Variants in ST6GALNAC4 observed in about 807,000 individuals in gnomAD.
ST6GALNAC4 encodes the protein alpha-N-acetyl-neuraminyl-2,3-beta-galactosyl-1,3-N-acetyl-galactosaminide alpha-2,6-sialyltransferase.
Under a neutral mutation model 30.4 loss-of-function variants are expected in ST6GALNAC4, and 24 were observed. That is an observed-to-expected ratio of 0.79 (90% CI 0.57 to 1.11). The LOEUF is 1.11. ST6GALNAC4 is among the 50% of genes most tolerant of loss of function. The pLI, the probability that ST6GALNAC4 is intolerant of heterozygous loss-of-function variation, is 0.00. For synonymous variants in ST6GALNAC4, 156 were observed against 179.7 expected, an observed-to-expected ratio of 0.87 and a Z score of 1.05; for missense variants, 365 against 430.1, an observed-to-expected ratio of 0.85 and a Z score of 1.34.
rs372883012 is a variant in ST6GALNAC4 at position 127,912,561 on chromosome 9, C to T, written c.318G>A (p.Ala106=). ...SAECVFRMNQ[A]PTVGFEADVG... is the part of the protein sequence containing the mutation. Reference sequence around the variant, plus strand: ...CATCCGCCTCAAAGCCCACGGTGGGCGCCTGGTTCATGCGGAACACGCACT... The same window carrying T: ...CATCCGCCTCAAAGCCCACGGTGGGTGCCTGGTTCATGCGGAACACGCACT... Residue 106 remains alanine, a synonymous_variant, in exon 4 of 6, where the codon GCG becomes GCA. Transcript: ENST00000335791. 6.2e-6 allele frequency: 10 copies of T among 1,612,890 alleles called. No homozygotes were observed. The highest frequency in any genetic ancestry group is 4.0e-5 in the African/African-American group (3 of 74,934).
At chr9:127,913,275 T>C (rs1564503466) in intron 3 of ST6GALNAC4, among the ~76,000 whole-genome samples, 1 of 152,214 alleles carries the variant, frequency 6.6e-6, no homozygotes, top group African/African-American at 2.4e-5. Context: ...GTCTCTCATC[T>C]ATAAAATGGG....
intron 4 of ST6GALNAC4, among the ~76,000 whole-genome samples, chr9:127,910,714 C>T (rs145667903): frequency 1.6e-4 from 24 of 152,282 alleles, no homozygotes; most frequent in Non-Finnish European, 3.4e-4. Context: ...CTCTACAGAG[C>T]GGGTATGAAC....
At chr9:127,910,285 G>T in intron 4 of ST6GALNAC4, 4 of 1,325,362 alleles carry the variant, frequency 3.0e-6, no homozygotes, top group Non-Finnish European at 2.9e-6. Context: ...AGCACCCAGC[G>T]GGGCTCGGGC....
chr9:127,908,833 A>T (rs10760512), intron 5 of ST6GALNAC4, among the ~76,000 whole-genome samples: 118,460 of 152,124 alleles, frequency 0.78, 48,814 homozygotes, highest in Non-Finnish European at 0.91. Flanking sequence ...GCCCGTGTGT[A>T]AAACGCAGAT....
At position 127,910,072 on chromosome 9, in the gene ST6GALNAC4, G is replaced by T; in HGVS notation, c.612-14C>A. 1.2e-6 allele frequency: 2 copies of T among 1,611,818 alleles called. No homozygotes were observed. The highest frequency in any genetic ancestry group is 1.1e-5 in the South Asian group (1 of 90,894). Reference sequence around the variant, plus strand: ...CCCGACTGCCTCCTGGGGGTGGCGGGGGGACAGGGGGACGCTGTCAACAAG... The same window carrying T: ...CCCGACTGCCTCCTGGGGGTGGCGGTGGGACAGGGGGACGCTGTCAACAAG... On this transcript the variant is annotated splice_polypyrimidine_tract_variant and intron_variant, in intron 4 of 5. Coordinates refer to ENST00000335791, the MANE Select transcript of ST6GALNAC4 (RefSeq NM_175039.4).
At chr9:127,914,519 A>AAAAAAAAAAGG in intron 3 of ST6GALNAC4, 137 bp downstream of exon 3, 1 of 490,182 alleles carries the variant, frequency 2.0e-6, no homozygotes, top group Non-Finnish European at 3.3e-6. Flanking sequence ...AAAAAAAAAA[A>AAAAAAAAAAGG]GAACCTAGGG....
intron 4 of ST6GALNAC4, among the ~76,000 whole-genome samples, chr9:127,910,747 C>A (rs1458083057): frequency 6.6e-6 from 1 of 152,140 alleles, no homozygotes; most frequent in South Asian, 2.1e-4. Flanking sequence ...TCAAACTGAG[C>A]CCCACCCAGG....
At chr9:127,916,764 T>G (rs1395144412) in intron 1 of ST6GALNAC4, 62 bp downstream of exon 1, 1 of 463,870 alleles carries the variant, frequency 2.2e-6, no homozygotes, top group Non-Finnish European at 3.9e-6. Context: ...CAGCTCAAGG[T>G]CACCCATCAG....
At chr9:127,910,450 C>T in intron 4 of ST6GALNAC4, 2 of 1,034,246 alleles carry the variant, frequency 1.9e-6, no homozygotes, top group Non-Finnish European at 2.3e-6. Context: ...CTCTAGAGTC[C>T]AAGGATCTTC....
intron 4 of ST6GALNAC4, among the ~76,000 whole-genome samples, chr9:127,911,333 T>C (rs1326028678): frequency 6.6e-6 from 1 of 152,124 alleles, no homozygotes; most frequent in Non-Finnish European, 1.5e-5. Flanking sequence ...GACTGTTCTA[T>C]CTCCTGAGCA....
intron 4 of ST6GALNAC4, chr9:127,910,433 G>A (rs2131618845): frequency 9.5e-7 from 1 of 1,054,262 alleles, no homozygotes; most frequent in Non-Finnish European, 1.1e-6. Context: ...GAAGTCAGGT[G>A]GGGGTTCTCT....
At chr9:127,913,475 C>G (rs377307486) in intron 3 of ST6GALNAC4, among the ~76,000 whole-genome samples, 58 of 152,294 alleles carry the variant, frequency 3.8e-4, no homozygotes, top group African/African-American at 1.3e-3. Flanking sequence ...ATCCCAGCTA[C>G]TCAGGAGACT....
At chr9:127,910,454 G>T in intron 4 of ST6GALNAC4, 11 of 1,030,442 alleles carry the variant, frequency 1.1e-5, no homozygotes, top group Non-Finnish European at 1.2e-5. Flanking sequence ...AGAGTCCAAG[G>T]ATCTTCCACT....
chr9:127,908,674 A>G, intron 5 of ST6GALNAC4, 93 bp from the exon 6 acceptor site: 12 of 1,260,656 alleles, frequency 9.5e-6, no homozygotes, highest in Non-Finnish European at 1.3e-5. Flanking sequence ...CGCCAGGCCC[A>G]TGGGCTCGTG....
intron 2 of ST6GALNAC4, 71 bp from the exon 3 acceptor site, chr9:127,914,912 C>T (rs1175900244): frequency 7.4e-7 from 1 of 1,352,880 alleles, no homozygotes; most frequent in Non-Finnish European, 9.7e-7. Context: ...AGCGCTGCAC[C>T]TGGCCTCCTG....
At chr9:127,915,485 C>G (rs1831176604) in intron 2 of ST6GALNAC4, among the ~76,000 whole-genome samples, 1 of 152,216 alleles carries the variant, frequency 6.6e-6, no homozygotes, top group South Asian at 2.1e-4. Context: ...GAGATTGGAG[C>G]AAAGGTCACT....
Position 127,908,443 on chromosome 9 carries a change from C to A in ST6GALNAC4, c.858G>T (p.Trp286Cys). The A allele has an allele frequency of 6.2e-7, 1 of 1,601,312 alleles. No homozygotes were observed. ...CGAACACGATGGGCCTCTTCTTGGC[C>A]CAGCGGGAGAAGACCGCCTTCTCAG... ...FITEKAVFSR[W>C]AKKRPIVFAH... Residue 286 changes from tryptophan (W) to cysteine (C), a missense_variant, in exon 6 of 6, where the codon TGG (tryptophan) becomes TGT (cysteine). Transcript: ENST00000335791.
At chr9:127,911,645 C>G (rs984752197) in intron 4 of ST6GALNAC4, among the ~76,000 whole-genome samples, 1 of 152,226 alleles carries the variant, frequency 6.6e-6, no homozygotes, top group Non-Finnish European at 1.5e-5. Flanking sequence ...CGCCACCACA[C>G]CCGGCTAATT....
At chr9:127,916,258 C>T (rs1831192350) in intron 2 of ST6GALNAC4, 150 bp downstream of exon 2, 1 of 995,570 alleles carries the variant, frequency 1.0e-6, no homozygotes, top group African/African-American at 1.6e-5. Context: ...TCTGCAAGAA[C>T]AGGGTTGGAC....
Sources: gnomAD v4.1 joint callset for allele counts (sites outside exome capture counted in the v4.1 genomes callset) on GRCh38, gnomAD v4.1.1 for gene constraint, MANE v1.5 for transcripts, NCBI Gene and HGNC (gene_info 2026-07-23, HGNC 2026-07-21) for gene names.